The following RFX2 variants were observed in gnomAD, a reference collection of about 807,000 sequenced individuals.
RFX2 encodes DNA-binding protein RFX2.
A neutral mutation model predicts 87.8 loss-of-function variants in RFX2; 20 were observed. That is an observed-to-expected ratio of 0.23 (90% CI 0.16 to 0.33). The LOEUF (loss-of-function observed/expected upper bound fraction) is 0.33, where lower values mean the gene tolerates loss of function less well. Among genes scored for constraint, RFX2 ranks in the 10% least tolerant of loss-of-function variants. The pLI is 1.00. For missense variants in RFX2, 767 were observed against 1,012.3 expected (o/e 0.76, Z 3.29); for synonymous variants, 397 against 431.3 (o/e 0.92, Z 0.98).
chr19:6,040,635 G>A lies in RFX2; in HGVS notation c.261-394C>T, dbSNP rs761694670. On this transcript the variant is annotated intron_variant, in intron 4 of 17. Coordinates refer to ENST00000303657, the MANE Select transcript of RFX2 (RefSeq NM_000635.4). The surrounding 1 kb of genome is among the most constrained non-coding windows in gnomAD (Gnocchi z 6.1). ...TTAGCCAGGTGTGGTGGTGCGTGCCGGTAGTCCCAGCTACTCAGGAGGCTG... is the reference window on the plus strand; with the variant it reads ...TTAGCCAGGTGTGGTGGTGCGTGCCAGTAGTCCCAGCTACTCAGGAGGCTG... 7.9e-5 allele frequency among the ~76,000 whole-genome samples: 12 copies of A among 152,122 alleles called. No individual in the cohort carries two copies. The highest frequency in any genetic ancestry group is 4.2e-4 in the South Asian group (2 of 4,796).
chr19:6,046,441 C>T (rs1041605647), intron 2 of RFX2, among the ~76,000 whole-genome samples: 5 of 151,562 alleles, frequency 3.3e-5, no homozygotes, highest in African/African-American at 7.3e-5. Flanking sequence ...ATTAGCCGGG[C>T]GTGGTAGTAC....
intron 5 of RFX2, among the ~76,000 whole-genome samples, chr19:6,035,850 G>GTGGGT (rs1555776253): frequency 1.5e-5 from 2 of 137,166 alleles, no homozygotes; most frequent in African/African-American, 6.0e-5. Flanking sequence ...CTTGGTGGGG[G>GTGGGT]GTGTGTGTGT....
intron 1 of RFX2, among the ~76,000 whole-genome samples, chr19:6,054,272 A>T (rs1200698203): frequency 6.6e-6 from 1 of 152,208 alleles, no homozygotes; most frequent in Non-Finnish European, 1.5e-5. Context: ...TTCCCTACAC[A>T]GAAAACTTCA....
chr19:6,007,108 A>C lies in RFX2; in HGVS notation c.1306T>G (p.Cys436Gly). Residue 436 changes from cysteine to glycine, a missense_variant, in exon 12 of 18, where the codon TGC (cysteine) becomes GGC (glycine). Cys to Gly is a radical substitution (Grantham distance 159). Transcript: ENST00000303657. The surrounding 1 kb of genome is among the most constrained non-coding windows in gnomAD (Gnocchi z 8.2). ...CTCATCCACCTGAGGATGGGGTCGC[A>C]CTGACACAGGGAGATAAGCTTGTCC... ...PKDKLISLCQ[C>G]DPILRWMRSC... The C allele has an allele frequency of 6.2e-7, 1 of 1,614,128 alleles. No individual in the cohort carries two copies. Among genetic ancestry groups the C allele is most frequent in the South Asian group, 1.1e-5 (1 of 91,086 alleles).
At chr19:6,079,625 C>T (rs139362498) in intron 1 of RFX2, among the ~76,000 whole-genome samples, 4 of 152,060 alleles carry the variant, frequency 2.6e-5, no homozygotes, top group African/African-American at 7.2e-5. Context: ...TGGTGGCTCA[C>T]GCCTGTAATC....
chr19:6,031,677 G>T (rs889924454), intron 5 of RFX2, among the ~76,000 whole-genome samples: 14 of 151,954 alleles, frequency 9.2e-5, no homozygotes, highest in Middle Eastern at 6.3e-3. Context: ...TGATCCACCC[G>T]CCTTGGCCTC....
intron 5 of RFX2, among the ~76,000 whole-genome samples, chr19:6,032,641 C>G (rs985528423): frequency 2.0e-5 from 3 of 152,190 alleles, no homozygotes; most frequent in African/African-American, 7.2e-5. Flanking sequence ...GCAGGGGGAG[C>G]CCCCACCAAT....
chr19:6,057,740 A>C (rs2087365975), intron 1 of RFX2, among the ~76,000 whole-genome samples: 1 of 152,174 alleles, frequency 6.6e-6, no homozygotes, highest in Non-Finnish European at 1.5e-5. Context: ...CTGAACAAGA[A>C]GGAACAAGCC....
chr19:6,087,145 A>T lies in RFX2; in HGVS notation c.-9+23248T>A, dbSNP rs557243649. Among the ~76,000 whole-genome samples, 10 of 152,298 alleles carry T rather than the reference A, an allele frequency of 6.6e-5. No individual in the cohort carries two copies. In the East Asian group the frequency reaches 1.9e-3, roughly 29 times the overall value. On this transcript the variant is annotated intron_variant, in intron 1 of 17. Transcript: ENST00000303657. ...CTGGGTGGGGACTGAGCACAGGCAG[A>T]TGGTCGCAGCGGGTCAGAAGCCACA... is the stretch of plus-strand genomic sequence containing the variant.
At chr19:6,076,856 A>C (rs1046853113) in intron 1 of RFX2, among the ~76,000 whole-genome samples, 1 of 152,212 alleles carries the variant, frequency 6.6e-6, no homozygotes, top group Non-Finnish European at 1.5e-5. Flanking sequence ...TATTCATTCC[A>C]GGGCATATTT....
intron 1 of RFX2, among the ~76,000 whole-genome samples, chr19:6,051,609 TAAAG>T (rs973256303): frequency 1.3e-5 from 2 of 151,550 alleles, no homozygotes; most frequent in Non-Finnish European, 2.9e-5. Flanking sequence ...AGGCAAGAAA[TAAAG>T]AACAGAGAAA....
Position 6,040,589 on chromosome 19 carries a change from T to C in RFX2, c.261-348A>G, listed in dbSNP as rs148529382. Among the ~76,000 whole-genome samples, 3 of 152,002 alleles carry C rather than the reference T, an allele frequency of 2.0e-5. No homozygotes were observed. In the East Asian group the frequency reaches 5.8e-4, roughly 30 times the overall value. ...AGCCTGGGCAACATAGAGAGAACCATCTCTACAAAAAATAAAAGATTTAGC... is the reference window on the plus strand; with the variant it reads ...AGCCTGGGCAACATAGAGAGAACCACCTCTACAAAAAATAAAAGATTTAGC... On this transcript the variant is annotated intron_variant, in intron 4 of 17. Transcript: ENST00000303657. The surrounding 1 kb of genome is among the most constrained non-coding windows in gnomAD (Gnocchi z 6.1).
chr19:6,050,060 AC>A lies in RFX2; in HGVS notation c.-8-2557del, dbSNP rs1392714853. Among the ~76,000 whole-genome samples, 4 of 152,232 alleles carry A rather than the reference AC, an allele frequency of 2.6e-5. No homozygotes were observed. The highest frequency in any genetic ancestry group is 2.6e-4 in the Admixed American group (4 of 15,278). On this transcript the variant is annotated intron_variant, in intron 1 of 17. Transcript: ENST00000303657. The surrounding 1 kb of genome is among the most constrained non-coding windows in gnomAD (Gnocchi z 4.6). Reference sequence around the variant, plus strand: ...GAGCCCTCAAATCTTCCTACAAAATACACCTGAATCTTTGGCTAAGCAACTA... The same window carrying A: ...GAGCCCTCAAATCTTCCTACAAAATAACCTGAATCTTTGGCTAAGCAACTA...
At chr19:6,070,392 C>A (rs2087589615) in intron 1 of RFX2, among the ~76,000 whole-genome samples, 1 of 151,974 alleles carries the variant, frequency 6.6e-6, no homozygotes, top group South Asian at 2.1e-4. Context: ...GGAGGGGGGT[C>A]CTGGTCCCCA....
Position 6,004,600 on chromosome 19 carries a change from T to C in RFX2, c.1403-302A>G, listed in dbSNP as rs544212483. Among the ~76,000 whole-genome samples the C allele has an allele frequency of 1.3e-4, 20 of 151,060 alleles. No homozygotes were observed. The South Asian group carries it at 4.2e-3, about 32-fold the overall frequency. On this transcript the variant is annotated intron_variant, in intron 12 of 17. Coordinates refer to ENST00000303657, the MANE Select transcript of RFX2 (RefSeq NM_000635.4). This position sits in a 1 kb window ranked among gnomAD's most constrained non-coding sequence, Gnocchi z 4.8. ...ACTGCAGGGTGCCTCAGGCATGGAG[T>C]GGGTGGAGGCTAGGGATGCTCCTCA...
chr19:6,049,571 GCT>G (rs772570574), intron 1 of RFX2, among the ~76,000 whole-genome samples: 3 of 152,228 alleles, frequency 2.0e-5, no homozygotes, highest in Non-Finnish European at 4.4e-5. Context: ...ACGAAGTCTT[GCT>G]CTGTCACCCA....
Position 6,021,421 on chromosome 19 carries a change from T to C in RFX2, c.597+4742A>G, listed in dbSNP as rs1483589851. ...GAACCGAATGAGGGCTGATGCCGAG[T>C]GCCGTCAGAGAAATTCACCTGGGAA... is the stretch of plus-strand genomic sequence containing the variant. On this transcript the variant is annotated intron_variant, in intron 6 of 17. Coordinates refer to ENST00000303657, the MANE Select transcript of RFX2 (RefSeq NM_000635.4). The surrounding 1 kb of genome is among the most constrained non-coding windows in gnomAD (Gnocchi z 5.7). Among the ~76,000 whole-genome samples the C allele has an allele frequency of 6.6e-6, 1 of 152,004 alleles. No homozygotes were observed. Among genetic ancestry groups the C allele is most frequent in the African/African-American group, 2.4e-5 (1 of 41,352 alleles).
At chr19:5,995,560 T>A in intron 17 of RFX2, 41 bp downstream of exon 17, 2 of 1,546,718 alleles carry the variant, frequency 1.3e-6, no homozygotes, top group Non-Finnish European at 1.8e-6. Flanking sequence ...AGTACCACCC[T>A]CCTGGGAGGG....
In RFX2 at chr19:5,995,732, T is replaced by G. The variant is rs1262033528; in HGVS notation, c.2014-89A>C. ...GGGGGATGCCGGCCCAACCTTGCCT[T>G]GAGCCACGTCCTCCATTCACAGTGA... On this transcript the variant is annotated intron_variant, in intron 16 of 17. Transcript: ENST00000303657. The G allele has an allele frequency of 5.3e-6, 6 of 1,136,730 alleles. No homozygotes were observed. In the East Asian group the frequency reaches 1.3e-4, roughly 24 times the overall value. The allele number at this position is 1,136,730 out of a possible 1,614,324, so 70.4% of individuals were successfully genotyped here. A position where few individuals can be genotyped will look rare whatever the true frequency, so the allele number is the denominator to read the frequency against.
Sources: gnomAD v4.1 joint callset for allele counts (sites outside exome capture counted in the v4.1 genomes callset) on GRCh38, gnomAD v4.1.1 for gene constraint, Gnocchi (gnomAD v3.1) non-coding constraint, MANE v1.5 for transcripts, NCBI Gene and HGNC (gene_info 2026-07-23, HGNC 2026-07-21) for gene names.